The following CELF2 variants were observed in gnomAD, a reference collection of about 807,000 sequenced individuals.
The protein encoded by CELF2 is CUG triplet repeat RNA-binding protein 2.
CELF2 carries 8 observed loss-of-function variants against 62.6 expected under a neutral mutation model. The ratio of observed to expected loss-of-function variants is 0.13; its 90% CI spans 0.07 to 0.23. The LOEUF (loss-of-function observed/expected upper bound fraction) is 0.23. Among genes scored for constraint, CELF2 ranks in the 10% least tolerant of loss-of-function variants. CELF2 has a pLI of 1.00. For missense variants in CELF2, 333 were observed against 671.0 expected (o/e 0.50, Z 5.56); for synonymous variants, 258 against 250.0 (o/e 1.03, Z -0.30).
intron 8 of CELF2, among the ~76,000 whole-genome samples, chr10:11,275,970 A>T (rs1350794215): frequency 1.3e-5 from 2 of 152,152 alleles, no homozygotes; most frequent in Non-Finnish European, 2.9e-5. Flanking sequence ...CAAGGAGAAC[A>T]GGTTTTTGGC....
intron 1 of CELF2, among the ~76,000 whole-genome samples, chr10:10,889,432 GA>G (rs2061981948): frequency 6.6e-6 from 1 of 152,126 alleles, no homozygotes. Flanking sequence ...CCTTTTAAAA[GA>G]AATTTTTTTG....
chr10:10,659,862 T>A, the CELF2 span, among the ~76,000 whole-genome samples: 1 of 152,112 alleles, frequency 6.6e-6, no homozygotes, highest in Non-Finnish European at 1.5e-5. Context: ...TGATTAAGGA[T>A]CTGGAGATGG....
chr10:10,748,858 G>C, the CELF2 span, among the ~76,000 whole-genome samples: 1 of 152,106 alleles, frequency 6.6e-6, no homozygotes, highest in Non-Finnish European at 1.5e-5. Flanking sequence ...CTTGGATCAG[G>C]TGGTGGTTGT....
chr10:11,155,894 T>G (rs910238577), intron 1 of CELF2, among the ~76,000 whole-genome samples: 1 of 152,200 alleles, frequency 6.6e-6, no homozygotes, highest in Non-Finnish European at 1.5e-5. Context: ...CATTTACGAC[T>G]GAGAAAGGTA....
At chr10:11,317,519 A>G (rs1453941053) in intron 10 of CELF2, 1 of 152,250 alleles carries the variant, frequency 6.6e-6, no homozygotes, top group Non-Finnish European at 1.5e-5. Flanking sequence ...AACTTACCCC[A>G]GTGAAGTGGT....
At chr10:10,560,099 G>C in the CELF2 span, among the ~76,000 whole-genome samples, 3 of 152,078 alleles carry the variant, frequency 2.0e-5, no homozygotes, top group African/African-American at 7.2e-5. Context: ...ATCTATTATG[G>C]CTCTGGACAG....
chr10:10,697,755 C>T, the CELF2 span, among the ~76,000 whole-genome samples: 4 of 151,704 alleles, frequency 2.6e-5, no homozygotes, highest in African/African-American at 7.3e-5. Flanking sequence ...AAAGGCCGCA[C>T]CCCCCCAATA....
At chr10:10,592,565 T>A in the CELF2 span, among the ~76,000 whole-genome samples, 1 of 152,338 alleles carries the variant, frequency 6.6e-6, no homozygotes, top group South Asian at 2.1e-4. Flanking sequence ...AAAAGTCATC[T>A]GCATTTGTCT....
At chr10:10,799,519 G>A (rs977830804) in intron 1 of CELF2, among the ~76,000 whole-genome samples, 6 of 151,986 alleles carry the variant, frequency 3.9e-5, no homozygotes, top group Admixed American at 2.0e-4. Context: ...AAGGAAAAGC[G>A]AACTTTTCCA....
At chr10:10,481,883 A>G in the CELF2 span, among the ~76,000 whole-genome samples, 47 of 152,316 alleles carry the variant, frequency 3.1e-4, no homozygotes, top group Non-Finnish European at 5.3e-4. Context: ...CAGTACATGA[A>G]ATAATACAGA....
At chr10:10,553,100 CG>C in the CELF2 span, among the ~76,000 whole-genome samples, 9 of 152,152 alleles carry the variant, frequency 5.9e-5, no homozygotes, top group East Asian at 1.7e-3. Context: ...ATTGACTCAC[CG>C]TTCTGCAGGG....
the CELF2 span, among the ~76,000 whole-genome samples, chr10:10,688,288 C>T: frequency 3.3e-5 from 5 of 152,190 alleles, no homozygotes; most frequent in Non-Finnish European, 7.3e-5. Flanking sequence ...AGATAAAGTG[C>T]TTGTTTATAA....
intron 3 of CELF2, among the ~76,000 whole-genome samples, chr10:11,241,104 T>C (rs1589667579): frequency 6.6e-6 from 1 of 152,222 alleles, no homozygotes; most frequent in Admixed American, 6.5e-5. Flanking sequence ...AAGGGGAGGC[T>C]TCCTCTGTGT....
chr10:11,086,283 G>A (rs190834908), intron 1 of CELF2, among the ~76,000 whole-genome samples: 5 of 152,032 alleles, frequency 3.3e-5, no homozygotes, highest in South Asian at 2.1e-4. Flanking sequence ...CCTGGCATTC[G>A]CAGCAATAAC....
rs565182624 is a variant in CELF2 at position 10,990,373 on chromosome 10, G to C, written c.89+70374G>C. On this transcript the variant is annotated intron_variant, in intron 2 of 13. Transcript: ENST00000636488. This position sits in a 1 kb window ranked among gnomAD's most constrained non-coding sequence, Gnocchi z 4.6. Reference sequence around the variant, plus strand: ...TGACTAAAAGGAAATATTACCAAAAGTTAAACAATTTTGTATCTAGTGAGA... The same window carrying C: ...TGACTAAAAGGAAATATTACCAAAACTTAAACAATTTTGTATCTAGTGAGA... Among the ~76,000 whole-genome samples, 66 of 152,140 alleles carry C rather than the reference G, an allele frequency of 4.3e-4. 1 individual carries two copies. The highest frequency in any genetic ancestry group is 1.2e-3 in the Admixed American group (18 of 15,266).
At chr10:10,731,519 A>T in the CELF2 span, among the ~76,000 whole-genome samples, 1 of 152,248 alleles carries the variant, frequency 6.6e-6, no homozygotes, top group East Asian at 1.9e-4. Flanking sequence ...TGAAAGTTGT[A>T]GATAGAAAAC....
intron 1 of CELF2, among the ~76,000 whole-genome samples, chr10:10,820,516 G>C (rs2056869059): frequency 6.6e-6 from 1 of 152,152 alleles, no homozygotes; most frequent in Admixed American, 6.5e-5. Flanking sequence ...AGTATAAACA[G>C]ACATGGCCCC....
At chr10:10,999,251 G>A (rs1246172519) in intron 2 of CELF2, among the ~76,000 whole-genome samples, 2 of 152,150 alleles carry the variant, frequency 1.3e-5, no homozygotes, top group Non-Finnish European at 2.9e-5. Context: ...TCCATCCTCC[G>A]AACAAATGTT....
the CELF2 span, among the ~76,000 whole-genome samples, chr10:10,666,218 C>T: frequency 4.6e-5 from 7 of 152,154 alleles, no homozygotes; most frequent in Non-Finnish European, 1.0e-4. Flanking sequence ...TGAAAAGTCT[C>T]AGTAAAAAAA....
Sources: allele counts gnomAD v4.1 joint callset (sites outside exome capture counted in the v4.1 genomes callset), GRCh38; gene constraint gnomAD v4.1.1; non-coding constraint Gnocchi (gnomAD v3.1); transcripts MANE v1.5; gene names NCBI Gene and HGNC (gene_info 2026-07-23, HGNC 2026-07-21).